The following ZFAT variants were observed in gnomAD, a reference collection of about 807,000 sequenced individuals.
ZFAT encodes zinc finger protein ZFAT.
ZFAT carries 64 observed loss-of-function variants against 117.7 expected under a neutral mutation model. The ratio of observed to expected loss-of-function variants is 0.54; its 90% CI spans 0.44 to 0.67. ZFAT has a LOEUF of 0.67. ZFAT is among the 30% of genes least tolerant of loss of function. ZFAT has a pLI of 0.00. For synonymous variants in ZFAT, 679 were observed against 615.0 expected (o/e 1.10, Z -1.54); for missense variants, 1,433 against 1,584.5 (o/e 0.90, Z 1.62).
At chr8:134,553,143 C>T (rs190863922) in intron 11 of ZFAT, among the ~76,000 whole-genome samples, 2 of 152,292 alleles carry the variant, frequency 1.3e-5, no homozygotes, top group South Asian at 2.1e-4. Flanking sequence ...GGCAGGGCCA[C>T]TGAGGAGAGA....
At chr8:134,535,322 C>T (rs1821749540) in intron 11 of ZFAT, among the ~76,000 whole-genome samples, 1 of 152,206 alleles carries the variant, frequency 6.6e-6, no homozygotes, top group Admixed American at 6.5e-5. Flanking sequence ...GTTCTATAGG[C>T]ACCTTAAACT....
chr8:134,483,233 C>T lies in ZFAT; in HGVS notation c.3493-4512G>A, dbSNP rs79475084. Among the ~76,000 whole-genome samples the T allele has an allele frequency of 7.8e-3, 1,187 of 152,330 alleles. 19 individuals are homozygous for T. The highest frequency in any genetic ancestry group is 0.027 in the African/African-American group (1,137 of 41,566). ...TCCCATGCCTTGTCCTGATTCTTTA[C>T]ACACAATGTCTTATGCCTTGGGCAT... On this transcript the variant is annotated intron_variant, in intron 15 of 15. Coordinates refer to ENST00000377838, the MANE Select transcript of ZFAT (RefSeq NM_020863.4).
chr8:134,637,350 C>T (rs1830279111), intron 3 of ZFAT, 111 bp downstream of exon 3: 10 of 1,372,778 alleles, frequency 7.3e-6, no homozygotes, highest in Non-Finnish European at 9.0e-6. Flanking sequence ...TGGGTGAGAG[C>T]TGAATAAATA....
Position 134,583,974 on chromosome 8 carries a change from C to A in ZFAT, c.2745G>T (p.Glu915Asp). ...GGTTACTCTTGCTACGAGTTGCATA[C>A]TCACACAAAGAACACTTGAAGGGCT... Reference protein sequence around the residue: ...GVKPFKCSLCEYATRSKSNLK... With the variant: ...GVKPFKCSLCDYATRSKSNLK... The change falls in exon 10 of 16, where the codon GAG (glutamate) becomes GAT (aspartate). Residue 915 changes from glutamate to aspartate, a missense_variant. Glu to Asp is a conservative substitution (Grantham distance 45). This residue lies in a region of ZFAT where 503 missense variants were observed against 543.4 expected (regional missense o/e 0.93). Coordinates refer to ENST00000377838, the MANE Select transcript of ZFAT (RefSeq NM_020863.4). 6.4e-7 allele frequency: 1 copy of A among 1,563,268 alleles called. No individual in the cohort carries two copies.
chr8:134,565,406 C>A lies in ZFAT; in HGVS notation c.2903G>T (p.Cys968Phe), dbSNP rs1824370934. The A allele has an allele frequency of 6.2e-7, 1 of 1,613,378 alleles. No homozygotes were observed. Among genetic ancestry groups the A allele is most frequent in the Non-Finnish European group, 8.5e-7 (1 of 1,179,758 alleles). The change falls in exon 11 of 16, where the codon TGC (cysteine) becomes TTC (phenylalanine). Residue 968 changes from cysteine (C) to phenylalanine (F), a missense_variant. Physicochemically the swap from Cys to Phe is radical, Grantham distance 205. Around this residue, in one of 5 missense-constraint regions of ZFAT, gnomAD observed 503 missense variants for 543.4 expected, o/e 0.93. Coordinates refer to ENST00000377838, the MANE Select transcript of ZFAT (RefSeq NM_020863.4). ...LHTADGKQFKCTVCDYTAAQK... is the reference protein window; with the variant it reads ...LHTADGKQFKFTVCDYTAAQK... ...GGCCGCTGTGTAGTCACACACCGTG[C>A]ACTTAAACTGCTTCCCTGGAAAGAA...
chr8:134,721,369 T>C, the ZFAT span, among the ~76,000 whole-genome samples: 1 of 152,174 alleles, frequency 6.6e-6, no homozygotes, highest in South Asian at 2.1e-4. Flanking sequence ...CCTCCACCAC[T>C]GATGCTGCTG....
At chr8:134,578,902 G>C (rs1290514279) in intron 10 of ZFAT, among the ~76,000 whole-genome samples, 1 of 152,208 alleles carries the variant, frequency 6.6e-6, no homozygotes, top group Non-Finnish European at 1.5e-5. Flanking sequence ...GGGTACAGCA[G>C]GGGTTGGCAG....
chr8:134,596,223 T>C (rs1163653150), intron 7 of ZFAT, among the ~76,000 whole-genome samples: 11 of 152,166 alleles, frequency 7.2e-5, no homozygotes, highest in Admixed American at 7.2e-4. Context: ...AATCACGCTA[T>C]CCCACTGGAG....
intron 15 of ZFAT, among the ~76,000 whole-genome samples, chr8:134,495,491 C>T (rs965188600): frequency 6.6e-6 from 1 of 152,160 alleles, no homozygotes; most frequent in Non-Finnish European, 1.5e-5. Context: ...CATCATGCCT[C>T]CCCCAGGGCC....
At chr8:134,505,146 TA>T (rs1265866805) in intron 15 of ZFAT, among the ~76,000 whole-genome samples, 1 of 152,232 alleles carries the variant, frequency 6.6e-6, no homozygotes, top group Non-Finnish European at 1.5e-5. Context: ...TATTATAATT[TA>T]CTTATTACAT....
intron 8 of ZFAT, among the ~76,000 whole-genome samples, chr8:134,589,087 G>A (rs1026716759): frequency 6.6e-6 from 1 of 152,182 alleles, no homozygotes; most frequent in Admixed American, 6.5e-5. Flanking sequence ...AGATACAGGA[G>A]GTTCCTGGCA....
intron 11 of ZFAT, among the ~76,000 whole-genome samples, chr8:134,563,062 A>C (rs982632513): frequency 1.3e-5 from 2 of 152,230 alleles, no homozygotes; most frequent in African/African-American, 2.4e-5. Flanking sequence ...TCTCTAGCAC[A>C]ATAATTGCAC....
chr8:134,667,590 C>T (rs1468777560), intron 1 of ZFAT, among the ~76,000 whole-genome samples: 1 of 150,276 alleles, frequency 6.7e-6, no homozygotes, highest in Non-Finnish European at 1.5e-5. Context: ...CACATGTATC[C>T]AAGAACTTAA....
chr8:134,643,094 C>T (rs979968811), intron 2 of ZFAT, among the ~76,000 whole-genome samples: 3 of 152,248 alleles, frequency 2.0e-5, no homozygotes, highest in African/African-American at 7.2e-5. Context: ...ATCTCAGGCA[C>T]CATGCTAAGC....
At chr8:134,503,948 A>T (rs1467551708) in intron 15 of ZFAT, among the ~76,000 whole-genome samples, 1 of 96,630 alleles carries the variant, frequency 1.0e-5, no homozygotes, top group Admixed American at 1.2e-4. Context: ...ACGCACACGA[A>T]CACACACACA....
At chr8:134,536,481 T>C (rs1033961112) in intron 11 of ZFAT, among the ~76,000 whole-genome samples, 3 of 152,164 alleles carry the variant, frequency 2.0e-5, no homozygotes, top group Non-Finnish European at 4.4e-5. Context: ...ACCACCCATT[T>C]TCTGCTGGGG....
the ZFAT span, among the ~76,000 whole-genome samples, chr8:134,718,535 A>G: frequency 6.6e-6 from 1 of 152,200 alleles, no homozygotes; most frequent in African/African-American, 2.4e-5. Flanking sequence ...GACTATATTT[A>G]TAACCAATTT....
At chr8:134,517,087 T>A (rs146676919) in intron 13 of ZFAT, among the ~76,000 whole-genome samples, 10 of 152,302 alleles carry the variant, frequency 6.6e-5, no homozygotes, top group Non-Finnish European at 1.2e-4. Context: ...CCAACAATAC[T>A]TGATAACTGC....
intron 2 of ZFAT, 110 bp from the exon 3 acceptor site, chr8:134,637,822 T>C: frequency 6.9e-7 from 1 of 1,442,406 alleles, no homozygotes; most frequent in Non-Finnish European, 9.2e-7. Flanking sequence ...TCATTAAAAA[T>C]GAAAAGTCTA....
Sources: gnomAD v4.1 joint callset for allele counts (sites outside exome capture counted in the v4.1 genomes callset) on GRCh38, gnomAD v4.1.1 for gene constraint, gnomAD v4.1.1 regional missense constraint, MANE v1.5 for transcripts, NCBI Gene and HGNC (gene_info 2026-07-23, HGNC 2026-07-21) for gene names.